The following TBCK variants were observed in gnomAD, a reference collection of about 807,000 sequenced individuals.
TBCK encodes the protein TBC1 domain containing kinase.
Under a neutral mutation model 113.4 loss-of-function variants are expected in TBCK, and 99 were observed. The observed-to-expected ratio is 0.87, with a 90% CI of 0.74 to 1.03. The LOEUF (loss-of-function observed/expected upper bound fraction) is 1.03, where lower values mean the gene tolerates loss of function less well. TBCK is among the 50% of genes least tolerant of loss of function. The pLI, the probability that TBCK is intolerant of heterozygous loss-of-function variation, is 0.00. For missense variants in TBCK, 1,045 were observed against 1,061.3 expected (o/e 0.98, Z 0.21); for synonymous variants, 369 against 370.8 (o/e 1.00, Z 0.05).
intron 22 of TBCK, among the ~76,000 whole-genome samples, chr4:106,193,177 G>A (rs933246275): frequency 1.3e-5 from 2 of 152,080 alleles, no homozygotes; most frequent in East Asian, 1.9e-4. Context: ...TTGTCAAATC[G>A]TAAAATTGTT....
At chr4:106,068,422 A>G (rs1666627581) in intron 25 of TBCK, among the ~76,000 whole-genome samples, 1 of 151,824 alleles carries the variant, frequency 6.6e-6, no homozygotes, top group African/African-American at 2.4e-5. Flanking sequence ...AGTCCTTGTG[A>G]TAGTTTGCTC....
intron 10 of TBCK, 137 bp from the exon 11 acceptor site, chr4:106,244,901 G>C (rs1378252194): frequency 3.7e-6 from 2 of 543,026 alleles, no homozygotes; most frequent in Non-Finnish European, 3.1e-6. Context: ...TGATTGTAGG[G>C]AGCCTGAAAT....
chr4:106,273,557 G>C (rs939433955), intron 3 of TBCK, among the ~76,000 whole-genome samples: 1 of 152,188 alleles, frequency 6.6e-6, no homozygotes, highest in Admixed American at 6.5e-5. Context: ...TGGAAAAAGG[G>C]TGTTTTCATT....
At chr4:106,092,047 A>C (rs1432019241) in intron 25 of TBCK, among the ~76,000 whole-genome samples, 1 of 152,226 alleles carries the variant, frequency 6.6e-6, no homozygotes, top group African/African-American at 2.4e-5. Flanking sequence ...AGCTAGACAC[A>C]GAGTGCTGAC....
At position 106,142,212 on chromosome 4, in the gene TBCK, C is replaced by T. The variant is rs888905345; in HGVS notation, c.2236-25834G>A. On this transcript the variant is annotated intron_variant, in intron 23 of 25. Transcript: ENST00000394708. Reference sequence around the variant, plus strand: ...TTCTGTAGGATATCTAAACAATAATCTATAATTCAGATAGATGTATTTTGG... The same window carrying T: ...TTCTGTAGGATATCTAAACAATAATTTATAATTCAGATAGATGTATTTTGG... Among the ~76,000 whole-genome samples the T allele has an allele frequency of 9.2e-5, 14 of 152,022 alleles. 4 individuals are homozygous for T. The highest frequency in any genetic ancestry group is 2.1e-4 in the Non-Finnish European group (14 of 67,950).
In TBCK at chr4:106,083,322, G is replaced by A. The variant is rs571593154; in HGVS notation, c.2571+12160C>T. ...CAAAACACCGGCTGTGGCAGTCTGC[G>A]GCCAAAGTGCCTTTTCAGGTCTAAC... On this transcript the variant is annotated intron_variant, in intron 25 of 25. Coordinates refer to ENST00000394708, the MANE Select transcript of TBCK (RefSeq NM_001163435.3). 3.2e-4 allele frequency among the ~76,000 whole-genome samples: 49 copies of A among 151,896 alleles called. No individual in the cohort carries two copies. In the South Asian group the frequency reaches 7.9e-3, roughly 25 times the overall value.
intron 2 of TBCK, among the ~76,000 whole-genome samples, chr4:106,295,549 T>C (rs1177597922): frequency 8.5e-5 from 13 of 152,152 alleles, no homozygotes; most frequent in African/African-American, 2.4e-4. Flanking sequence ...ACAGATTGCT[T>C]GACACTCTGG....
At chr4:106,200,044 T>G (rs1754698899) in intron 20 of TBCK, among the ~76,000 whole-genome samples, 1 of 152,150 alleles carries the variant, frequency 6.6e-6, no homozygotes, top group Admixed American at 6.5e-5. Context: ...GGCCCTCTAT[T>G]ACCTATTTGA....
chr4:106,281,010 T>C (rs753016042), intron 3 of TBCK, among the ~76,000 whole-genome samples: 1 of 152,168 alleles, frequency 6.6e-6, no homozygotes, highest in Admixed American at 6.6e-5. Context: ...TAGATTGCTT[T>C]GGGTAGTATG....
chr4:106,054,162 T>C (rs534743781), intron 25 of TBCK, among the ~76,000 whole-genome samples: 1 of 151,754 alleles, frequency 6.6e-6, no homozygotes, highest in South Asian at 2.1e-4. Flanking sequence ...TTTTCCATAG[T>C]CTATGAGGTC....
chr4:106,092,085 T>C (rs993832677), intron 25 of TBCK, among the ~76,000 whole-genome samples: 5 of 151,804 alleles, frequency 3.3e-5, no homozygotes, highest in Admixed American at 2.0e-4. Context: ...TTGAGCTAGA[T>C]ACAGAGTGCC....
At chr4:106,091,129 C>T (rs1740176800) in intron 25 of TBCK, among the ~76,000 whole-genome samples, 1 of 152,202 alleles carries the variant, frequency 6.6e-6, no homozygotes, top group Non-Finnish European at 1.5e-5. Flanking sequence ...AACTGGCTCA[C>T]AGTTTTGCAG....
chr4:106,217,127 T>C (rs1489514337), intron 19 of TBCK, among the ~76,000 whole-genome samples: 1 of 151,674 alleles, frequency 6.6e-6, no homozygotes, highest in East Asian at 1.9e-4. Context: ...CACATGATTA[T>C]CTCAATAGAT....
rs1740893089 is a variant in TBCK at position 106,096,313 on chromosome 4, A to ACTT, written c.2412-675_2412-673dup. ...GGTACTTTTTTAAAAAACTGAAAGT[A>ACTT]CTTTTATTTTCAGTAAAGATCTACT... On this transcript the variant is annotated intron_variant, in intron 24 of 25. Transcript: ENST00000394708. Among the ~76,000 whole-genome samples, 6 of 152,348 alleles carry ACTT rather than the reference A, an allele frequency of 3.9e-5. No individual in the cohort carries two copies. In the South Asian group the frequency reaches 1.2e-3, roughly 32 times the overall value.
rs1382169240 is a variant in TBCK, at chr4:106,168,988, A to T, written c.2235+2107T>A. 2.0e-5 allele frequency among the ~76,000 whole-genome samples: 3 copies of T among 152,164 alleles called. No individual in the cohort carries two copies. The East Asian group carries it at 5.8e-4, about 29-fold the overall frequency. ...GTCAAAGGAAATGCTCATTGGAGCA[A>T]TCTGGATTTTGTATTTTTGGATTAG... On this transcript the variant is annotated intron_variant, in intron 23 of 25. Coordinates refer to ENST00000394708, the MANE Select transcript of TBCK (RefSeq NM_001163435.3).
At chr4:106,260,650 A>T (rs1193693423) in intron 4 of TBCK, 140 bp from the exon 5 acceptor site, 1 of 365,002 alleles carries the variant, frequency 2.7e-6, no homozygotes, top group Non-Finnish European at 4.9e-6. Context: ...ATGCCACTGT[A>T]GATTTTAAAA....
intron 23 of TBCK, among the ~76,000 whole-genome samples, chr4:106,127,793 C>A (rs1296229347): frequency 2.0e-5 from 3 of 151,880 alleles, no homozygotes; most frequent in Non-Finnish European, 4.4e-5. Flanking sequence ...ATGCCAAGCA[C>A]AATTTTTTTC....
chr4:106,298,623 A>G (rs1162067632), intron 2 of TBCK, among the ~76,000 whole-genome samples: 1 of 152,002 alleles, frequency 6.6e-6, no homozygotes, highest in East Asian at 1.9e-4. Flanking sequence ...CAACAACAAA[A>G]AAAAGAAGAC....
chr4:106,056,454 TATAG>T (rs1375581322), intron 25 of TBCK, among the ~76,000 whole-genome samples: 1 of 151,438 alleles, frequency 6.6e-6, no homozygotes, highest in Non-Finnish European at 1.5e-5. Flanking sequence ...TATATATAAA[TATAG>T]ATAGATAGAT....
Sources: allele counts gnomAD v4.1 joint callset (sites outside exome capture counted in the v4.1 genomes callset), GRCh38; gene constraint gnomAD v4.1.1; transcripts MANE v1.5; gene names NCBI Gene and HGNC (gene_info 2026-07-23, HGNC 2026-07-21).